The following SLC9A4 variants were observed in gnomAD, a reference collection of about 807,000 sequenced individuals.
SLC9A4 encodes the protein sodium/hydrogen exchanger 4.
In SLC9A4, 63 loss-of-function variants were observed where a neutral mutation model predicts 67.4. That is an observed-to-expected ratio of 0.93 (90% CI 0.76 to 1.15). SLC9A4 has a LOEUF of 1.15. SLC9A4 is among the 50% of genes most tolerant of loss of function. The pLI is 0.00. For synonymous variants in SLC9A4, 393 were observed against 367.2 expected (o/e 1.07, Z -0.80); for missense variants, 1,089 against 987.7 (o/e 1.10, Z -1.38).
intron 1 of SLC9A4, among the ~76,000 whole-genome samples, chr2:102,478,116 G>A (rs1684371265): frequency 6.6e-6 from 1 of 152,190 alleles, no homozygotes; most frequent in Non-Finnish European, 1.5e-5. Context: ...GAGACCCATG[G>A]TGTAGAAAAA....
intron 10 of SLC9A4, 66 bp from the exon 11 acceptor site, chr2:102,526,193 T>C: frequency 6.5e-7 from 1 of 1,531,682 alleles, no homozygotes; most frequent in Non-Finnish European, 9.0e-7. Context: ...TGGCCCTTTA[T>C]TTGCCATGTG....
chr2:102,502,103 C>T (rs1405420273), intron 2 of SLC9A4, among the ~76,000 whole-genome samples: 1 of 151,864 alleles, frequency 6.6e-6, no homozygotes, highest in African/African-American at 2.4e-5. Context: ...TGCTAAGAGG[C>T]AAGTACTGTG....
Position 102,508,851 on chromosome 2 carries a change from TCA to T in SLC9A4, c.1409_1410del (p.Thr470SerfsTer11). The T allele has an allele frequency of 6.2e-7, 1 of 1,610,270 alleles. No homozygotes were observed. The highest frequency in any genetic ancestry group is 8.5e-7 in the Non-Finnish European group (1 of 1,178,884). ...GTTTTGTTATTTCTGATCTAGGGAA[TCA>T]CAGTTGGCCCTCTGGTCAGGTACCT... On this transcript the variant is annotated frameshift_variant, in exon 6 of 12. Coordinates refer to ENST00000295269, the MANE Select transcript of SLC9A4 (RefSeq NM_001011552.4). LOFTEE classifies it high-confidence loss of function.
intron 9 of SLC9A4, 126 bp from the exon 10 acceptor site, chr2:102,524,898 G>C: frequency 8.9e-7 from 1 of 1,123,252 alleles, no homozygotes; most frequent in Non-Finnish European, 1.3e-6. Flanking sequence ...CAAGGCAAAT[G>C]CTTAGCTGAC....
At chr2:102,490,308 AT>A (rs1684669212) in intron 2 of SLC9A4, among the ~76,000 whole-genome samples, 2 of 152,374 alleles carry the variant, frequency 1.3e-5, no homozygotes, top group Admixed American at 1.3e-4. Context: ...AATCTCTGAA[AT>A]ATGAAAGACT....
intron 1 of SLC9A4, among the ~76,000 whole-genome samples, chr2:102,476,298 G>A (rs1002186514): frequency 1.1e-4 from 16 of 152,194 alleles, no homozygotes; most frequent in African/African-American, 1.7e-4. Context: ...ATTGTAGGGC[G>A]TTCTTTGACT....
intron 2 of SLC9A4, among the ~76,000 whole-genome samples, chr2:102,490,689 G>A (rs1684676971): frequency 6.6e-6 from 1 of 152,184 alleles, no homozygotes; most frequent in South Asian, 2.1e-4. Flanking sequence ...GCTTTATGAT[G>A]AGGTGTCACA....
intron 2 of SLC9A4, among the ~76,000 whole-genome samples, chr2:102,483,003 T>C (rs572939118): frequency 6.6e-5 from 10 of 152,326 alleles, no homozygotes; most frequent in Admixed American, 5.2e-4. Context: ...TGGCTTGGTT[T>C]CTGGTTGGGG....
Position 102,473,592 on chromosome 2 carries a change from C to G in SLC9A4, c.-168C>G. On this transcript the variant is annotated 5_prime_UTR_variant, in exon 1 of 12. Transcript: ENST00000295269. ...CGATTTAAACCAGATTAGAAAGTGT[C>G]TACATACAGAGCTCAATAACACACT... 1 of 750,508 alleles carries G rather than the reference C, an allele frequency of 1.3e-6. No homozygotes were observed. Among genetic ancestry groups the G allele is most frequent in the South Asian group, 1.9e-5 (1 of 53,542 alleles). The allele number at this position is 750,508 out of a possible 1,614,324, so 46.5% of individuals were successfully genotyped here. A position where few individuals can be genotyped will look rare whatever the true frequency, so the allele number is the denominator to read the frequency against.
rs778153734 is a variant in SLC9A4 at position 102,478,866 on chromosome 2, G to A, written c.284G>A (p.Gly95Asp). Reference protein sequence around the residue: ...IGFHLYHRLPGLMPESCLLIL... With the variant: ...IGFHLYHRLPDLMPESCLLIL... ...TTCCACCTCTACCACAGGCTGCCAGGCCTCATGCCAGAAAGCTGCCTCCTC... is the reference window on the plus strand; with the variant it reads ...TTCCACCTCTACCACAGGCTGCCAGACCTCATGCCAGAAAGCTGCCTCCTC... Residue 95 changes from glycine to aspartate, a missense_variant, in exon 2 of 12, where the codon GGC (glycine) becomes GAC (aspartate). Coordinates refer to ENST00000295269, the MANE Select transcript of SLC9A4 (RefSeq NM_001011552.4). 1 of 1,614,006 alleles carries A rather than the reference G, an allele frequency of 6.2e-7. No homozygotes were observed. The highest frequency in any genetic ancestry group is 1.3e-5 in the African/African-American group (1 of 74,944).
intron 2 of SLC9A4, among the ~76,000 whole-genome samples, chr2:102,488,887 T>C (rs1447180592): frequency 6.6e-6 from 1 of 152,182 alleles, no homozygotes; most frequent in Non-Finnish European, 1.5e-5. Context: ...AGTTCAGTCG[T>C]GTCTGGTGGA....
chr2:102,519,350 A>G (rs1234138752), intron 8 of SLC9A4, among the ~76,000 whole-genome samples: 3 of 152,256 alleles, frequency 2.0e-5, no homozygotes, highest in Admixed American at 2.0e-4. Context: ...TATTAGATAA[A>G]TGCTAATCAA....
At chr2:102,503,730 G>T in intron 3 of SLC9A4, 23 bp downstream of exon 3, 2 of 1,609,758 alleles carry the variant, frequency 1.2e-6, no homozygotes, top group Non-Finnish European at 1.7e-6. Flanking sequence ...CAAGGATCAA[G>T]TCACATAGTA....
intron 6 of SLC9A4, among the ~76,000 whole-genome samples, chr2:102,510,180 T>C (rs963293683): frequency 2.6e-5 from 4 of 151,536 alleles, no homozygotes; most frequent in African/African-American, 7.3e-5. Context: ...GCCAGTAGGA[T>C]GGATGGATAT....
chr2:102,487,070 C>T (rs1328100843), intron 2 of SLC9A4, among the ~76,000 whole-genome samples: 1 of 152,194 alleles, frequency 6.6e-6, no homozygotes, highest in Non-Finnish European at 1.5e-5. Flanking sequence ...GTCTGGTGCC[C>T]ATCCAGCCCA....
At chr2:102,523,242 A>C (rs896461724) in intron 9 of SLC9A4, among the ~76,000 whole-genome samples, 6 of 151,926 alleles carry the variant, frequency 3.9e-5, no homozygotes, top group African/African-American at 1.5e-4. Flanking sequence ...CTGAAGTGCT[A>C]GGATTACCAG....
intron 2 of SLC9A4, among the ~76,000 whole-genome samples, chr2:102,484,603 GAAC>G (rs1188648940): frequency 6.6e-6 from 1 of 152,210 alleles, no homozygotes; most frequent in Non-Finnish European, 1.5e-5. Flanking sequence ...GGCTCATTCT[GAAC>G]AAGCAGCTGA....
intron 2 of SLC9A4, among the ~76,000 whole-genome samples, chr2:102,490,112 T>G (rs1684665636): frequency 6.6e-6 from 1 of 151,880 alleles, no homozygotes; most frequent in South Asian, 2.1e-4. Flanking sequence ...TTTTTTTAAC[T>G]TGACAGTAAA....
At position 102,494,803 on chromosome 2, in the gene SLC9A4, T is replaced by C. The variant is rs149385531; in HGVS notation, c.721-8645T>C. Among the ~76,000 whole-genome samples, 1,221 of 152,218 alleles carry C rather than the reference T, an allele frequency of 8.0e-3. 14 individuals are homozygous for C. The highest frequency in any genetic ancestry group is 0.028 in the African/African-American group (1,168 of 41,570). ...AGAATACCTAAAAATTGTACATGTA[T>C]ATCCACCTAATATTAGTGCAACAAA... On this transcript the variant is annotated intron_variant, in intron 2 of 11. Coordinates refer to ENST00000295269, the MANE Select transcript of SLC9A4 (RefSeq NM_001011552.4).
Sources: allele counts gnomAD v4.1 joint callset (sites outside exome capture counted in the v4.1 genomes callset), GRCh38; gene constraint gnomAD v4.1.1; transcripts MANE v1.5; gene names NCBI Gene and HGNC (gene_info 2026-07-23, HGNC 2026-07-21).